The following TTC27 variants were observed in gnomAD, a reference collection of about 807,000 sequenced individuals.
TTC27 encodes the protein tetratricopeptide repeat protein 27.
Under a neutral mutation model 115.9 loss-of-function variants are expected in TTC27, and 79 were observed. The ratio of observed to expected loss-of-function variants is 0.68; its 90% CI spans 0.57 to 0.82. The LOEUF is 0.82. Among genes scored for constraint, TTC27 ranks in the 40% least tolerant of loss-of-function variants. The pLI is 0.00. For missense variants in TTC27, 1,054 were observed against 993.1 expected, an observed-to-expected ratio of 1.06 and a Z score of -0.82; for synonymous variants, 401 against 356.0, an observed-to-expected ratio of 1.13 and a Z score of -1.42.
rs80325236 is a variant in TTC27 at position 32,727,817 on chromosome 2, T to G, written c.1234-6011T>G. Among the ~76,000 whole-genome samples the G allele has an allele frequency of 5.4e-3, 815 of 152,292 alleles. 10 individuals carry two copies. The highest frequency in any genetic ancestry group is 0.019 in the African/African-American group (772 of 41,568). On this transcript the variant is annotated intron_variant, in intron 10 of 19. Transcript: ENST00000317907. Reference sequence around the variant, plus strand: ...TTGTTAATGTCATAGATTTTTCTTTTTAAATGAATTAATGAACATTTAAAT... The same window carrying G: ...TTGTTAATGTCATAGATTTTTCTTTGTAAATGAATTAATGAACATTTAAAT...
At chr2:32,722,546 A>G (rs535837085) in intron 10 of TTC27, among the ~76,000 whole-genome samples, 1 of 152,308 alleles carries the variant, frequency 6.6e-6, no homozygotes, top group East Asian at 1.9e-4. Context: ...TAAATTACTT[A>G]CCCAAGGTCT....
At chr2:32,752,339 T>G (rs112263578) in intron 12 of TTC27, among the ~76,000 whole-genome samples, 2,881 of 152,326 alleles carry the variant, frequency 0.019, 58 homozygotes, top group Middle Eastern at 0.041. Context: ...AACAACAGCC[T>G]TTTTGTTCTA....
At chr2:32,745,111 G>A (rs1312960883) in intron 12 of TTC27, among the ~76,000 whole-genome samples, 1 of 145,558 alleles carries the variant, frequency 6.9e-6, no homozygotes, top group East Asian at 2.0e-4. Flanking sequence ...TCTTCTTGTA[G>A]TTGGAAGTCT....
intron 4 of TTC27, among the ~76,000 whole-genome samples, chr2:32,648,303 A>G (rs565641963): frequency 6.6e-6 from 1 of 151,644 alleles, no homozygotes; most frequent in East Asian, 1.9e-4. Flanking sequence ...AATTTTTCGT[A>G]TTTTTAGTAG....
chr2:32,693,485 TA>T (rs1439258072), intron 9 of TTC27, among the ~76,000 whole-genome samples: 1 of 152,208 alleles, frequency 6.6e-6, no homozygotes, highest in African/African-American at 2.4e-5. Flanking sequence ...AACACAGAAT[TA>T]AGACATTTTG....
chr2:32,661,798 C>T (rs1317011482), intron 5 of TTC27, among the ~76,000 whole-genome samples: 1 of 152,154 alleles, frequency 6.6e-6, no homozygotes, highest in Non-Finnish European at 1.5e-5. Flanking sequence ...GTACTTCCAA[C>T]ACTATGTTGA....
At chr2:32,748,845 G>A (rs910420220) in intron 12 of TTC27, among the ~76,000 whole-genome samples, 1 of 152,052 alleles carries the variant, frequency 6.6e-6, no homozygotes, top group South Asian at 2.1e-4. Context: ...ACGCCACCAT[G>A]CCCGGCTAAT....
At chr2:32,678,636 C>G (rs1666309097) in intron 8 of TTC27, among the ~76,000 whole-genome samples, 1 of 151,964 alleles carries the variant, frequency 6.6e-6, no homozygotes, top group East Asian at 1.9e-4. Flanking sequence ...ACCTTGTTAG[C>G]CAGGATGGTC....
chr2:32,695,227 A>G (rs902449253), intron 9 of TTC27, among the ~76,000 whole-genome samples: 4 of 151,858 alleles, frequency 2.6e-5, no homozygotes, highest in African/African-American at 9.7e-5. Flanking sequence ...CTACCATTCT[A>G]CTTTCTAGCC....
intron 5 of TTC27, among the ~76,000 whole-genome samples, chr2:32,662,363 C>A (rs1434960192): frequency 1.3e-5 from 2 of 152,062 alleles, no homozygotes; most frequent in East Asian, 3.9e-4. Context: ...CTCTTTGTAC[C>A]TCTGGTAGAA....
At chr2:32,781,709 G>A (rs533305190) in intron 14 of TTC27, among the ~76,000 whole-genome samples, 1 of 152,110 alleles carries the variant, frequency 6.6e-6, no homozygotes, top group Non-Finnish European at 1.5e-5. Context: ...GCCTCCTAAA[G>A]TGCTGGGATT....
chr2:32,725,236 C>CT (rs1668068829), intron 10 of TTC27, among the ~76,000 whole-genome samples: 3 of 152,104 alleles, frequency 2.0e-5, no homozygotes, highest in Admixed American at 2.0e-4. Context: ...CAACAGTCCC[C>CT]CAAAGTCTTA....
intron 12 of TTC27, among the ~76,000 whole-genome samples, chr2:32,751,509 A>G (rs1669014738): frequency 6.6e-6 from 1 of 152,094 alleles, no homozygotes; most frequent in Non-Finnish European, 1.5e-5. Flanking sequence ...CAGTGAAGGG[A>G]AGAGAAGGAA....
chr2:32,731,890 A>G (rs764592293), intron 10 of TTC27, among the ~76,000 whole-genome samples: 21 of 152,214 alleles, frequency 1.4e-4, no homozygotes, highest in Non-Finnish European at 2.9e-4. Context: ...AAATGAGGAA[A>G]TATTTACTGA....
chr2:32,791,884 T>A (rs1037130797), intron 16 of TTC27, among the ~76,000 whole-genome samples: 4 of 152,078 alleles, frequency 2.6e-5, no homozygotes, highest in Non-Finnish European at 5.9e-5. Flanking sequence ...CAAAAAAATA[T>A]GAAATAAAAT....
chr2:32,657,455 G>A (rs1273045970), intron 5 of TTC27, among the ~76,000 whole-genome samples: 2 of 149,970 alleles, frequency 1.3e-5, no homozygotes, highest in Admixed American at 1.4e-4. Context: ...CTGGGTTCAC[G>A]CCATTCTCCT....
intron 1 of TTC27, among the ~76,000 whole-genome samples, chr2:32,629,048 C>G (rs189932424): frequency 1.0e-3 from 157 of 152,076 alleles, no homozygotes; most frequent in African/African-American, 3.3e-3. Context: ...GCCTGAGCCA[C>G]CGCGCCCGGG....
At chr2:32,666,201 T>C (rs2151880500) in intron 6 of TTC27, among the ~76,000 whole-genome samples, 1 of 152,290 alleles carries the variant, frequency 6.6e-6, no homozygotes, top group South Asian at 2.1e-4. Context: ...AATAAACTGT[T>C]GATATAGAAC....
chr2:32,746,424 G>A (rs1015453503), intron 12 of TTC27, among the ~76,000 whole-genome samples: 11 of 151,806 alleles, frequency 7.2e-5, no homozygotes, highest in African/African-American at 1.5e-4. Flanking sequence ...TTAGCCGGGC[G>A]TGGCAGCACA....
Sources: gnomAD v4.1 joint callset for allele counts (sites outside exome capture counted in the v4.1 genomes callset) on GRCh38, gnomAD v4.1.1 for gene constraint, MANE v1.5 for transcripts, NCBI Gene and HGNC (gene_info 2026-07-23, HGNC 2026-07-21) for gene names.